The following CAPN13 variants were observed in gnomAD, a reference collection of about 807,000 sequenced individuals.
CAPN13 encodes calpain 13.
Under a neutral mutation model 98.4 loss-of-function variants are expected in CAPN13, and 90 were observed. The ratio of observed to expected loss-of-function variants is 0.92; its 90% CI spans 0.77 to 1.09. The LOEUF (loss-of-function observed/expected upper bound fraction) is 1.09, where lower values mean the gene tolerates loss of function less well. Among genes scored for constraint, CAPN13 ranks in the 50% least tolerant of loss-of-function variants. The pLI is 0.00. For missense variants in CAPN13, 887 were observed against 841.3 expected (o/e 1.05, Z -0.67); for synonymous variants, 330 against 305.5 (o/e 1.08, Z -0.84).
At chr2:30,724,880 G>A (rs985002293) in intron 22 of CAPN13, among the ~76,000 whole-genome samples, 4 of 152,112 alleles carry the variant, frequency 2.6e-5, no homozygotes, top group Non-Finnish European at 5.9e-5. Context: ...GATTTACTGG[G>A]CTAGAAGTAG....
chr2:30,738,425 G>T lies in CAPN13; in HGVS notation c.1569C>A (p.Gly523=), dbSNP rs1297355047. ...CTGTTAGAAGCTCCTGGTTGAGAAG[G>T]CCCTGAAGCTGGGTGGCATCAATGT... ...RLDIDATQLQ[G]LLNQELLTGP... The change falls in exon 16 of 23, where the codon GGC becomes GGA. Residue 523 remains glycine (G), a synonymous_variant. Coordinates refer to ENST00000295055, the MANE Select transcript of CAPN13 (RefSeq NM_144575.3). 1 of 1,607,690 alleles carries T rather than the reference G, an allele frequency of 6.2e-7. No individual in the cohort carries two copies. Among genetic ancestry groups the T allele is most frequent in the East Asian group, 2.2e-5 (1 of 44,722 alleles).
intron 1 of CAPN13, among the ~76,000 whole-genome samples, chr2:30,800,116 A>AAAAGAAAGAAAAGAAAGAAAAGAAAG (rs1675126547): frequency 1.2e-5 from 1 of 85,596 alleles, no homozygotes; most frequent in African/African-American, 4.5e-5. Flanking sequence ...GAAAAGAAAG[A>AAAAGAAAGAAAAGAAAGAAAAGAAAG]AAAGAAAGAA....
intron 1 of CAPN13, among the ~76,000 whole-genome samples, chr2:30,792,160 G>A (rs1471738742): frequency 6.6e-6 from 1 of 152,172 alleles, no homozygotes; most frequent in African/African-American, 2.4e-5. Flanking sequence ...ATAAGTAGAA[G>A]GACATAAATA....
At chr2:30,756,869 C>A (rs1252661136) in intron 8 of CAPN13, among the ~76,000 whole-genome samples, 3 of 152,202 alleles carry the variant, frequency 2.0e-5, no homozygotes, top group Admixed American at 6.5e-5. Flanking sequence ...TGTGCTGTTT[C>A]ATCCCTTATT....
Position 30,785,155 on chromosome 2 carries a change from T to C in CAPN13, c.198+1973A>G, listed in dbSNP as rs200846837. Among the ~76,000 whole-genome samples, 8 of 152,222 alleles carry C rather than the reference T, an allele frequency of 5.3e-5. No individual in the cohort carries two copies. In the East Asian group the frequency reaches 1.5e-3, roughly 29 times the overall value. ...ATCCATTCACTCATGTACTTGTTCA[T>C]CCAAATTCCAGCAGAGTCCCTGCTA... On this transcript the variant is annotated intron_variant, in intron 2 of 22. Coordinates refer to ENST00000295055, the MANE Select transcript of CAPN13 (RefSeq NM_144575.3).
intron 3 of CAPN13, among the ~76,000 whole-genome samples, chr2:30,777,349 C>A (rs1444260248): frequency 6.6e-6 from 1 of 152,250 alleles, no homozygotes; most frequent in Non-Finnish European, 1.5e-5. Context: ...GTATCTTGCA[C>A]GGTCATTGCA....
At chr2:30,789,247 G>C (rs1159565729) in intron 1 of CAPN13, among the ~76,000 whole-genome samples, 1 of 152,196 alleles carries the variant, frequency 6.6e-6, no homozygotes, top group Non-Finnish European at 1.5e-5. Context: ...CGATAATGAA[G>C]AGTTGTGAAA....
intron 1 of CAPN13, among the ~76,000 whole-genome samples, chr2:30,797,721 C>T (rs542395573): frequency 2.0e-5 from 3 of 152,338 alleles, no homozygotes; most frequent in South Asian, 2.1e-4. Context: ...CTCCCAACCT[C>T]GGGTCTCTCC....
intron 1 of CAPN13, among the ~76,000 whole-genome samples, chr2:30,795,547 T>C (rs1324311444): frequency 1.3e-5 from 2 of 152,120 alleles, no homozygotes; most frequent in Admixed American, 6.5e-5. Flanking sequence ...TCTCCATTCA[T>C]GTTCCCTCTC....
chr2:30,778,566 C>T (rs1673820398), intron 2 of CAPN13, among the ~76,000 whole-genome samples: 1 of 152,188 alleles, frequency 6.6e-6, no homozygotes, highest in Admixed American at 6.5e-5. Flanking sequence ...AGAGAGCAGG[C>T]CCGCAAACTG....
chr2:30,758,068 A>T lies in CAPN13; in HGVS notation c.844T>A (p.Trp282Arg), dbSNP rs771555028. 1 of 1,611,660 alleles carries T rather than the reference A, an allele frequency of 6.2e-7. No homozygotes were observed. ...TACCCATCACTCCAGCGCCCTCTCC[A>T]TTCGGCCTCGCCCCAGCCCCAGGGG... The part of the protein sequence containing the change: ...WNPWGWGEAE[W>R]RGRWSDGSQE... The change falls in exon 8 of 23, where the codon TGG (tryptophan) becomes AGG (arginine). Residue 282 changes from tryptophan (W) to arginine (R), a missense_variant. Physicochemically the swap from Trp to Arg is moderately radical, Grantham distance 101. Transcript: ENST00000295055.
intron 22 of CAPN13, among the ~76,000 whole-genome samples, chr2:30,726,099 A>G (rs1351631584): frequency 1.3e-5 from 2 of 152,262 alleles, no homozygotes; most frequent in Non-Finnish European, 2.9e-5. Flanking sequence ...TAGTTTCTCC[A>G]GGGTAGGTGT....
chr2:30,724,381 A>C (rs1245793844), intron 22 of CAPN13, among the ~76,000 whole-genome samples: 1 of 152,164 alleles, frequency 6.6e-6, no homozygotes, highest in Non-Finnish European at 1.5e-5. Context: ...TTTTTCTATA[A>C]TTAAGCAATC....
chr2:30,734,480 G>C lies in CAPN13; in HGVS notation c.1767C>G (p.Ser589Arg). 1.9e-6 allele frequency: 3 copies of C among 1,613,964 alleles called. No homozygotes were observed. The highest frequency in any genetic ancestry group is 2.5e-6 in the Non-Finnish European group (3 of 1,179,850). Residue 589 changes from serine to arginine, a missense_variant, in exon 19 of 23, where the codon AGC (serine) becomes AGG (arginine). Ser to Arg is a moderately radical substitution (Grantham distance 110). Coordinates refer to ENST00000295055, the MANE Select transcript of CAPN13 (RefSeq NM_144575.3). ...TCTCTATGGCCTTCCACAAGTCCGA[G>C]CTCAGGAGGACTCCAGGGCTTGTCT... Reference protein sequence around the residue: ...KVQTSPGVLLSSDLWKAIENT... With the variant: ...KVQTSPGVLLRSDLWKAIENT...
intron 4 of CAPN13, among the ~76,000 whole-genome samples, chr2:30,770,760 A>C (rs1312849286): frequency 6.6e-6 from 1 of 152,246 alleles, no homozygotes; most frequent in Non-Finnish European, 1.5e-5. Context: ...CTTCAGTGAC[A>C]CAAGTGAAAC....
chr2:30,770,358 T>G lies in CAPN13; in HGVS notation c.479A>C (p.Gln160Pro), dbSNP rs769149921. The part of the protein sequence containing the change: ...DKCLFVRPRH[Q>P]NQEFWPCLLE... ...CAGGCAGGGCCAGAACTCTTGGTTT[T>G]GGTGGCGAGGACGCACAAAGAGGCA... Residue 160 changes from glutamine to proline, a missense_variant, in exon 5 of 23, where the codon CAA becomes CCA. Physicochemically the swap from Gln to Pro is moderately conservative, Grantham distance 76. Transcript: ENST00000295055. 6.2e-7 allele frequency: 1 copy of G among 1,614,020 alleles called. No individual in the cohort carries two copies. The highest frequency in any genetic ancestry group is 8.5e-7 in the Non-Finnish European group (1 of 1,179,880).
At chr2:30,797,717 A>G (rs574959894) in intron 1 of CAPN13, among the ~76,000 whole-genome samples, 1 of 152,008 alleles carries the variant, frequency 6.6e-6, no homozygotes, top group African/African-American at 2.4e-5. Context: ...TGAACTCCCA[A>G]CCTCGGGTCT....
intron 8 of CAPN13, 136 bp from the exon 9 acceptor site, chr2:30,754,500 A>C: frequency 1.7e-6 from 1 of 600,750 alleles, no homozygotes; most frequent in Non-Finnish European, 2.7e-6. Flanking sequence ...TACCTAGGAC[A>C]GGACCCAGTT....
intron 8 of CAPN13, among the ~76,000 whole-genome samples, chr2:30,756,944 G>T (rs1672482462): frequency 1.3e-5 from 2 of 152,188 alleles, no homozygotes; most frequent in Non-Finnish European, 2.9e-5. Context: ...TGAGTGCCCA[G>T]GGGTGCCAAG....
Sources: gnomAD v4.1 joint callset for allele counts (sites outside exome capture counted in the v4.1 genomes callset) on GRCh38, gnomAD v4.1.1 for gene constraint, MANE v1.5 for transcripts, NCBI Gene and HGNC (gene_info 2026-07-23, HGNC 2026-07-21) for gene names.